ROBO2: variants seen among roughly 807,000 people sequenced by gnomAD.
ROBO2 encodes roundabout homolog 2.
Under a neutral mutation model 160.8 loss-of-function variants are expected in ROBO2, and 53 were observed. That is an observed-to-expected ratio of 0.33 (90% confidence interval 0.26 to 0.41). The LOEUF (loss-of-function observed/expected upper bound fraction) is 0.41, where lower values mean the gene tolerates loss of function less well. Ranked by LOEUF, ROBO2 falls within the 10% of genes least tolerant of loss-of-function variation. ROBO2 has a pLI of 1.00. For synonymous variants in ROBO2, 664 were observed against 611.7 expected, an observed-to-expected ratio of 1.09 and a Z score of -1.26; for missense variants, 1,577 against 1,722.4, an observed-to-expected ratio of 0.92 and a Z score of 1.49.
chr3:76,014,367 A>T (rs1288940612), intron 2 of ROBO2, among the ~76,000 whole-genome samples: 19 of 143,502 alleles, frequency 1.3e-4, no homozygotes, highest in African/African-American at 4.7e-4. Flanking sequence ...ACGGTGGTTT[A>T]TGCGTGTAAT....
At chr3:76,798,025 A>T (rs2063828382) in intron 2 of ROBO2, among the ~76,000 whole-genome samples, 1 of 151,604 alleles carries the variant, frequency 6.6e-6, no homozygotes, top group South Asian at 2.1e-4. Flanking sequence ...CAAAAAGTAG[A>T]ATAGTAGGAA....
chr3:76,295,462 G>C (rs1430066890), intron 2 of ROBO2, among the ~76,000 whole-genome samples: 1 of 152,036 alleles, frequency 6.6e-6, no homozygotes, highest in Non-Finnish European at 1.5e-5. Context: ...AAGAATTGCA[G>C]TATGTTGTCA....
At chr3:76,315,282 T>A (rs2071919302) in intron 2 of ROBO2, among the ~76,000 whole-genome samples, 1 of 152,226 alleles carries the variant, frequency 6.6e-6, no homozygotes, top group African/African-American at 2.4e-5. Context: ...TGATCAAAAC[T>A]TTTAATAACT....
chr3:77,203,050 T>C (rs1274282143), intron 2 of ROBO2, among the ~76,000 whole-genome samples: 5 of 152,168 alleles, frequency 3.3e-5, no homozygotes, highest in Non-Finnish European at 7.4e-5. Flanking sequence ...TATCAAGTCA[T>C]GGTGTAAAGT....
intron 2 of ROBO2, among the ~76,000 whole-genome samples, chr3:76,432,971 G>A (rs1343002539): frequency 2.0e-5 from 3 of 152,120 alleles, no homozygotes; most frequent in East Asian, 3.9e-4. Flanking sequence ...GAATCTTAGC[G>A]ATCATTTGTT....
intron 1 of ROBO2, among the ~76,000 whole-genome samples, chr3:77,082,311 G>A (rs1054691328): frequency 6.6e-6 from 1 of 152,164 alleles, no homozygotes; most frequent in Non-Finnish European, 1.5e-5. Flanking sequence ...TCAGTTTTCA[G>A]CCTAATTGTC....
chr3:76,447,392 A>G (rs1472420419), intron 2 of ROBO2, among the ~76,000 whole-genome samples: 1 of 151,054 alleles, frequency 6.6e-6, no homozygotes, highest in Non-Finnish European at 1.5e-5. Context: ...TCAGGAAACA[A>G]CAGGTGCTGG....
At chr3:76,119,408 G>T (rs1329614626) in intron 2 of ROBO2, among the ~76,000 whole-genome samples, 1 of 151,922 alleles carries the variant, frequency 6.6e-6, no homozygotes, top group Non-Finnish European at 1.5e-5. Context: ...TTTATGGCCA[G>T]AATACCAGTG....
intron 2 of ROBO2, among the ~76,000 whole-genome samples, chr3:76,686,856 T>C (rs2092697101): frequency 6.6e-6 from 1 of 152,090 alleles, no homozygotes; most frequent in Non-Finnish European, 1.5e-5. Flanking sequence ...GCTACAGCTA[T>C]GTCATTGCAT....
intron 2 of ROBO2, among the ~76,000 whole-genome samples, chr3:77,475,202 A>G (rs1340063892): frequency 1.3e-5 from 2 of 152,322 alleles, no homozygotes; most frequent in Non-Finnish European, 2.9e-5. Context: ...TGAAGAGGGT[A>G]CAGTATCAAT....
chr3:76,615,779 G>A (rs569706930), intron 2 of ROBO2, among the ~76,000 whole-genome samples: 2 of 152,234 alleles, frequency 1.3e-5, no homozygotes, highest in East Asian at 1.9e-4. Context: ...ATAATTCCAT[G>A]TGTGCATTCT....
chr3:77,137,481 C>T (rs2076372763), intron 2 of ROBO2, among the ~76,000 whole-genome samples: 1 of 152,228 alleles, frequency 6.6e-6, no homozygotes, highest in African/African-American at 2.4e-5. Context: ...CTGCCTCGGC[C>T]TCCCAAAGTG....
intron 6 of ROBO2, among the ~76,000 whole-genome samples, chr3:77,532,923 T>C (rs2091852936): frequency 6.6e-6 from 1 of 152,076 alleles, no homozygotes; most frequent in Non-Finnish European, 1.5e-5. Flanking sequence ...ACAGGTTCTT[T>C]ATCTCTCTTT....
At chr3:76,192,071 C>T (rs193156743) in intron 2 of ROBO2, among the ~76,000 whole-genome samples, 130 of 150,996 alleles carry the variant, frequency 8.6e-4, no homozygotes, top group Admixed American at 1.3e-3. Context: ...TTACAAATCC[C>T]GCTATTTCCC....
chr3:77,039,389 T>C (rs146094218), upstream of ROBO2, among the ~76,000 whole-genome samples: 65 of 152,312 alleles, frequency 4.3e-4, no homozygotes, highest in African/African-American at 1.5e-3. Context: ...GGCTGATCTT[T>C]TTCAAGAAAG....
At chr3:77,213,045 G>T (rs1326187030) in intron 2 of ROBO2, among the ~76,000 whole-genome samples, 4 of 151,756 alleles carry the variant, frequency 2.6e-5, no homozygotes, top group African/African-American at 2.4e-5. Flanking sequence ...TCTTTTTTTT[G>T]TTGTGTCTCT....
intron 2 of ROBO2, among the ~76,000 whole-genome samples, chr3:77,001,538 G>A (rs2061336271): frequency 6.6e-6 from 1 of 152,062 alleles, no homozygotes; most frequent in Admixed American, 6.6e-5. Flanking sequence ...ACATGAACAG[G>A]GGGGTTTGAG....
At chr3:76,311,253 G>A (rs1241645422) in intron 2 of ROBO2, 2 of 152,172 alleles carry the variant, frequency 1.3e-5, no homozygotes, top group African/African-American at 2.4e-5. Flanking sequence ...GGAGGGAAGA[G>A]GATGTGAGAA....
chr3:77,532,916 G>A (rs1293139094), intron 6 of ROBO2, among the ~76,000 whole-genome samples: 1 of 151,916 alleles, frequency 6.6e-6, no homozygotes, highest in Admixed American at 6.6e-5. Context: ...GGAAGACACA[G>A]GTTCTTTATC....
Sources: allele counts gnomAD v4.1 joint callset (sites outside exome capture counted in the v4.1 genomes callset), GRCh38; gene constraint gnomAD v4.1.1; transcripts MANE v1.5; gene names NCBI Gene and HGNC (gene_info 2026-07-23, HGNC 2026-07-21).